AQP9: variants seen among roughly 807,000 people sequenced by gnomAD.
AQP9 encodes aquaporin-9.
AQP9 carries 19 observed loss-of-function variants against 23.8 expected under a neutral mutation model. The observed-to-expected ratio is 0.80, with a 90% CI of 0.56 to 1.17. AQP9 has a LOEUF of 1.17. Among genes scored for constraint, AQP9 ranks in the 50% most tolerant of loss-of-function variants. AQP9 has a pLI of 0.00. For missense variants in AQP9, 413 were observed against 362.0 expected (o/e 1.14, Z -1.14); for synonymous variants, 153 against 131.5 (o/e 1.16, Z -1.12).
At chr15:58,183,087 A>C (rs1245301859) in intron 5 of AQP9, among the ~76,000 whole-genome samples, 1 of 152,204 alleles carries the variant, frequency 6.6e-6, no homozygotes, top group African/African-American at 2.4e-5. Context: ...TCCAACTAGA[A>C]CACTGAAATT....
intron 1 of AQP9, among the ~76,000 whole-genome samples, chr15:58,165,590 T>C (rs935207): frequency 0.45 from 68,775 of 152,032 alleles, 17,349 homozygotes; most frequent in Admixed American, 0.61. Flanking sequence ...TCTGCATCTT[T>C]TTTTATTTTA....
chr15:58,143,039 G>T (rs1428353565), intron 1 of AQP9, among the ~76,000 whole-genome samples: 1 of 152,172 alleles, frequency 6.6e-6, no homozygotes, highest in Non-Finnish European at 1.5e-5. Flanking sequence ...TCAATTGAGA[G>T]AACAGACACC....
chr15:58,150,342 C>G (rs1447213172), intron 1 of AQP9: 2 of 152,660 alleles, frequency 1.3e-5, no homozygotes, highest in Non-Finnish European at 2.9e-5. Flanking sequence ...GCCCCTTTTA[C>G]TATCTCTGAT....
At chr15:58,157,893 A>T (rs1898296913) in intron 1 of AQP9, among the ~76,000 whole-genome samples, 1 of 152,200 alleles carries the variant, frequency 6.6e-6, no homozygotes, top group African/African-American at 2.4e-5. Flanking sequence ...GGAGCTGAAA[A>T]GGATTTTCAT....
intron 1 of AQP9, among the ~76,000 whole-genome samples, chr15:58,146,491 T>C (rs1291502884): frequency 6.6e-6 from 1 of 152,166 alleles, no homozygotes; most frequent in Admixed American, 6.5e-5. Flanking sequence ...TGCTTATTTC[T>C]TTCATTTCCT....
At chr15:58,160,198 G>A (rs1486144827) in intron 1 of AQP9, among the ~76,000 whole-genome samples, 3 of 151,872 alleles carry the variant, frequency 2.0e-5, no homozygotes, top group Admixed American at 6.6e-5. Context: ...ACTGGGGTGA[G>A]ACGCTATCTC....
intron 4 of AQP9, among the ~76,000 whole-genome samples, chr15:58,176,076 T>C (rs1436272674): frequency 6.6e-6 from 1 of 152,184 alleles, no homozygotes; most frequent in East Asian, 1.9e-4. Flanking sequence ...AGTTATTCAC[T>C]TGTAAAATGG....
intron 1 of AQP9, among the ~76,000 whole-genome samples, chr15:58,141,210 A>C (rs116829156): frequency 1.1e-3 from 168 of 152,326 alleles, no homozygotes; most frequent in African/African-American, 4.0e-3. Context: ...CACAGGGACT[A>C]TGCTCACTCC....
chr15:58,149,444 A>T (rs1898108516), intron 1 of AQP9, among the ~76,000 whole-genome samples: 1 of 152,198 alleles, frequency 6.6e-6, no homozygotes, highest in Non-Finnish European at 1.5e-5. Context: ...CACTTATGGG[A>T]ATGTGAGAGC....
intron 1 of AQP9, among the ~76,000 whole-genome samples, chr15:58,159,200 A>G (rs932221951): frequency 3.9e-5 from 6 of 152,106 alleles, no homozygotes; most frequent in Non-Finnish European, 7.4e-5. Flanking sequence ...TCAGTTGAGA[A>G]CTGCCCAGCA....
intron 1 of AQP9, among the ~76,000 whole-genome samples, chr15:58,141,244 C>G (rs1310359852): frequency 2.6e-5 from 4 of 152,198 alleles, no homozygotes; most frequent in South Asian, 2.1e-4. Context: ...ATTCTCCTCT[C>G]TCTTCAAACT....
Position 58,179,103 on chromosome 15 carries a change from C to G in AQP9, c.496-25C>G, listed in dbSNP as rs752841886. The G allele has an allele frequency of 3.0e-5, 46 of 1,545,480 alleles. 1 individual carries two copies. Among genetic ancestry groups the G allele is most frequent in the Admixed American group, 2.0e-4 (12 of 59,802 alleles). ...AGGTGAGCAGAATGCAGGCTAAAGC[C>G]CTGGCTCAACTTCTCCCTCTCCAGG... On this transcript the variant is annotated intron_variant, in intron 4 of 5. Coordinates refer to ENST00000219919, the MANE Select transcript of AQP9 (RefSeq NM_020980.5).
intron 5 of AQP9, among the ~76,000 whole-genome samples, chr15:58,180,409 A>C (rs1249230548): frequency 6.6e-6 from 1 of 152,176 alleles, no homozygotes; most frequent in Non-Finnish European, 1.5e-5. Flanking sequence ...TGAGATCACC[A>C]CCACAGATAG....
intron 1 of AQP9, chr15:58,153,479 A>T (rs1898189211): frequency 6.6e-6 from 1 of 152,122 alleles, no homozygotes; most frequent in Admixed American, 6.5e-5. Context: ...TCTAACACAA[A>T]ATGACATCAA....
intron 1 of AQP9, among the ~76,000 whole-genome samples, chr15:58,159,368 C>T (rs907926836): frequency 1.3e-5 from 2 of 151,980 alleles, no homozygotes; most frequent in African/African-American, 4.8e-5. Context: ...TTGCTTCCTG[C>T]GCTTCTTTTT....
intron 2 of AQP9, among the ~76,000 whole-genome samples, chr15:58,171,091 A>ATT (rs3985731): frequency 0.18 from 24,309 of 136,864 alleles, 2,237 homozygotes; most frequent in African/African-American, 0.21. Flanking sequence ...CGCCCAACTA[A>ATT]TTTTTTTTTT....
intron 4 of AQP9, among the ~76,000 whole-genome samples, chr15:58,178,527 G>T (rs904405691): frequency 2.0e-5 from 3 of 152,126 alleles, no homozygotes; most frequent in African/African-American, 7.2e-5. Context: ...AATTATTGCT[G>T]AATTTCCTTT....
At chr15:58,145,937 T>C (rs1898036812) in intron 1 of AQP9, among the ~76,000 whole-genome samples, 3 of 152,236 alleles carry the variant, frequency 2.0e-5, no homozygotes, top group Admixed American at 1.3e-4. Context: ...TTGGCATTTT[T>C]CAGGTGTCTC....
chr15:58,178,910 A>T (rs555377888), intron 4 of AQP9, among the ~76,000 whole-genome samples: 41 of 152,316 alleles, frequency 2.7e-4, no homozygotes, highest in African/African-American at 8.9e-4. Flanking sequence ...CCAATCTGTA[A>T]ATGAGAATTA....
Sources: gnomAD v4.1 joint callset for allele counts (sites outside exome capture counted in the v4.1 genomes callset) on GRCh38, gnomAD v4.1.1 for gene constraint, MANE v1.5 for transcripts, NCBI Gene and HGNC (gene_info 2026-07-23, HGNC 2026-07-21) for gene names.